The following KIF7 variants were observed in gnomAD, a reference collection of about 807,000 sequenced individuals.
The protein encoded by KIF7 is kinesin family member 7, also known as kinesin-like protein KIF7.
In KIF7, 104 loss-of-function variants were observed where a neutral mutation model predicts 135.7. The ratio of observed to expected loss-of-function variants is 0.77; its 90% CI spans 0.65 to 0.90. KIF7 has a LOEUF of 0.90. Among genes scored for constraint, KIF7 ranks in the 40% least tolerant of loss-of-function variants. The pLI, the probability that KIF7 is intolerant of heterozygous loss-of-function variation, is 0.00. For missense variants in KIF7, 2,005 were observed against 1,839.1 expected, an observed-to-expected ratio of 1.09 and a Z score of -1.65; for synonymous variants, 883 against 809.4, an observed-to-expected ratio of 1.09 and a Z score of -1.54.
intron 5 of KIF7, 132 bp downstream of exon 5, chr15:89,648,123 G>C (rs1356423535): frequency 4.4e-6 from 6 of 1,364,248 alleles, no homozygotes; most frequent in East Asian, 5.7e-5. Flanking sequence ...ATCAGCAGAA[G>C]TGACCGAATC....
chr15:89,617,655 T>TG (rs34649876), intron 2 of KIF7, among the ~76,000 whole-genome samples: 79,038 of 149,738 alleles, frequency 0.53, 21,199 homozygotes, highest in Non-Finnish European at 0.58. Context: ...CCAGAGTAGC[T>TG]GAACTACAGG....
chr15:89,633,850 G>C lies in KIF7; in HGVS notation c.2428C>G (p.Leu810Val), dbSNP rs1963741958. Residue 810 changes from leucine (L) to valine (V), a missense_variant, in exon 12 of 19, where the codon CTG becomes GTG. Transcript: ENST00000394412. ...LKEKKQATER[L>V]VSLSAQSEKR... ...TCACTCTGGGCCGACAGTGACACCA[G>C]CCGCTCCGTAGCCTGCTTCTTCTCC... 1 of 1,613,596 alleles carries C rather than the reference G, an allele frequency of 6.2e-7. No homozygotes were observed. Among genetic ancestry groups the C allele is most frequent in the African/African-American group, 1.3e-5 (1 of 74,932 alleles).
intron 1 of KIF7, among the ~76,000 whole-genome samples, chr15:89,620,043 G>A (rs557226269): frequency 1.3e-5 from 2 of 152,262 alleles, no homozygotes; most frequent in East Asian, 3.9e-4. Flanking sequence ...CCTACAACTG[G>A]TCATCCATGC....
At chr15:89,625,938 T>TC (rs772209267), downstream of KIF7, 3 of 1,571,828 alleles carry the variant, frequency 1.9e-6, no homozygotes, top group Admixed American at 5.7e-5. Context: ...CTCTTTAGGC[T>TC]CCACCCCACC....
rs978833977 is a variant in KIF7 at position 89,649,084 on chromosome 15, C to G, written c.813G>C (p.Glu271Asp). The change falls in exon 4 of 19, where the codon GAG becomes GAC. Residue 271 changes from glutamate (E) to aspartate (D), a missense_variant. Physicochemically the swap from Glu to Asp is conservative, Grantham distance 45. Transcript: ENST00000394412. Reference protein sequence around the residue: ...KTGSTGERLKESIQINSSLLA... With the variant: ...KTGSTGERLKDSIQINSSLLA... ...GGAGGCTGCTGTTGATCTGGATGCT[C>G]TCCTTGAGCCGCTCGCCGGTGCTGC... 1.3e-6 allele frequency: 2 copies of G among 1,548,038 alleles called. No homozygotes were observed. The highest frequency in any genetic ancestry group is 8.7e-7 in the Non-Finnish European group (1 of 1,146,796).
intron 17 of KIF7, 57 bp downstream of exon 17, chr15:89,629,296 GGGGGGTGCAGGGCGGGGAAGAT>G: frequency 8.5e-7 from 1 of 1,171,426 alleles, no homozygotes; most frequent in Non-Finnish European, 1.1e-6. Flanking sequence ...GGGGGAGGGA[GGGGGGTGCAGGGCGGGGAAGAT>G]GGGGGTGGGG....
At chr15:89,638,647 A>G (rs966861620) in intron 11 of KIF7, among the ~76,000 whole-genome samples, 1 of 151,162 alleles carries the variant, frequency 6.6e-6, no homozygotes, top group African/African-American at 2.4e-5. Context: ...ATAAAAGAGG[A>G]TACAAACAAA....
Position 89,649,760 on chromosome 15 carries a change from T to C in KIF7, c.510A>G (p.Glu170=), listed in dbSNP as rs761029778. Residue 170 remains glutamate (E), a synonymous_variant, in exon 3 of 19, where the codon GAA becomes GAG. Transcript: ENST00000394412. ...GTASRDIQLR[E]DERGNVVLCG... is the part of the protein sequence containing the mutation. ...CCTCACCAACATTCCCGCGCTCATC[T>C]TCCCGGAGCTGGATGTCACGGCTGG... is the stretch of plus-strand genomic sequence containing the variant. 35 of 1,551,768 alleles carry C rather than the reference T, an allele frequency of 2.3e-5. No individual in the cohort carries two copies. Among genetic ancestry groups the C allele is most frequent in the Non-Finnish European group, 1.4e-5 (16 of 1,147,026 alleles).
chr15:89,628,955 C>A, intron 18 of KIF7, 21 bp downstream of exon 18: 15 of 1,613,944 alleles, frequency 9.3e-6, no homozygotes, highest in Non-Finnish European at 1.1e-5. Context: ...GGTCTGACTT[C>A]AGAGCGCGAC....
Position 89,647,027 on chromosome 15 carries a change from T to C in KIF7, c.1591A>G (p.Met531Val), listed in dbSNP as rs1364028483. 1 of 1,608,406 alleles carries C rather than the reference T, an allele frequency of 6.2e-7. No homozygotes were observed. The highest frequency in any genetic ancestry group is 1.3e-5 in the African/African-American group (1 of 74,846). ...SDRLREQQEE[M>V]VELRLRLELV... Reference sequence around the variant, plus strand: ...TCTAACCGCAGCCGCAGTTCCACCATCTCCTCCTGCTGCTCACGCAGCCGG... The same window carrying C: ...TCTAACCGCAGCCGCAGTTCCACCACCTCCTCCTGCTGCTCACGCAGCCGG... Residue 531 changes from methionine to valine, a missense_variant, in exon 7 of 19, where the codon ATG (methionine) becomes GTG (valine). Coordinates refer to ENST00000394412, the MANE Select transcript of KIF7 (RefSeq NM_198525.3).
At chr15:89,648,945 G>A (rs1473889678) in intron 4 of KIF7, 29 bp downstream of exon 4, 1 of 1,510,816 alleles carries the variant, frequency 6.6e-7, no homozygotes, top group Admixed American at 2.0e-5. Flanking sequence ...CCGGCCCCCA[G>A]GCCACATAGG....
intron 18 of KIF7, 59 bp from the exon 19 acceptor site, chr15:89,628,845 C>G: frequency 6.2e-7 from 1 of 1,612,154 alleles, no homozygotes; most frequent in South Asian, 1.1e-5. Context: ...TCCCGAAGCC[C>G]TAGCTCCCCA....
At chr15:89,648,214 C>A (rs1350306506) in intron 5 of KIF7, 41 bp downstream of exon 5, 2 of 1,464,318 alleles carry the variant, frequency 1.4e-6, no homozygotes, top group Non-Finnish European at 1.8e-6. Context: ...CCACCACTCC[C>A]CACTGCCCAC....
chr15:89,632,799 T>C, intron 14 of KIF7, 21 bp downstream of exon 14: 1 of 1,596,818 alleles, frequency 6.3e-7, no homozygotes, highest in Non-Finnish European at 8.5e-7. Flanking sequence ...CCTGGCAGGA[T>C]CTCTCCTGGC....
At chr15:89,640,325 A>G (rs1297269798) in intron 11 of KIF7, among the ~76,000 whole-genome samples, 1 of 151,872 alleles carries the variant, frequency 6.6e-6, no homozygotes, top group Non-Finnish European at 1.5e-5. Context: ...TAATAATAAC[A>G]GTATACTAAT....
chr15:89,630,583 A>G (rs888752945), intron 15 of KIF7, 90 bp from the exon 16 acceptor site: 3 of 1,126,316 alleles, frequency 2.7e-6, no homozygotes, highest in Non-Finnish European at 3.9e-6. Flanking sequence ...ACGTAGCCAC[A>G]ACTGGGCCTT....
rs921943205 is a variant in KIF7, at chr15:89,648,399, G to T, written c.1299C>A (p.Pro433=). 7.4e-5 allele frequency: 85 copies of T among 1,151,826 alleles called. No individual in the cohort carries two copies. The African/African-American group carries it at 1.1e-3, about 15-fold the overall frequency. The allele number at this position is 1,151,826 out of a possible 1,614,324, so 71.4% of individuals were successfully genotyped here. The part of the protein sequence containing the change: ...LRELQAEPGL[P]GAAARKVRDW... ...CGCGCACCTTGCGGGCGGCGGCGCC[G>T]GGCAGCCCGGGCTCGGCCTGCAGCT... The change falls in exon 5 of 19, where the codon CCC becomes CCA. Residue 433 remains proline, a synonymous_variant. Coordinates refer to ENST00000394412, the MANE Select transcript of KIF7 (RefSeq NM_198525.3).
intron 7 of KIF7, among the ~76,000 whole-genome samples, chr15:89,646,353 C>T (rs1346553257): frequency 6.6e-6 from 1 of 152,162 alleles, no homozygotes; most frequent in African/African-American, 2.4e-5. Flanking sequence ...AGACTTCTGC[C>T]AACCCCCAGC....
rs1963938798 is a variant in KIF7 at position 89,642,333 on chromosome 15, A to ACGTGCTCTGCCT, written c.2263_2264insAGGCAGAGCACG (p.Gln754_Val755insGluAlaGluHis). Reference sequence around the variant, plus strand: ...CTGGCCTTCACTCAGCTCGGCCCGCACCTGCTCTGCCTCCTGCTCCAGCTC... The same window carrying ACGTGCTCTGCCT: ...CTGGCCTTCACTCAGCTCGGCCCGCACGTGCTCTGCCTCCTGCTCTGCCTCCTGCTCCAGCTC... On this transcript the variant is annotated inframe_insertion, in exon 11 of 19. Transcript: ENST00000394412. 1 of 1,610,298 alleles carries ACGTGCTCTGCCT rather than the reference A, an allele frequency of 6.2e-7. No homozygotes were observed. The highest frequency in any genetic ancestry group is 1.7e-5 in the Admixed American group (1 of 59,784).
Sources: gnomAD v4.1 joint callset for allele counts (sites outside exome capture counted in the v4.1 genomes callset) on GRCh38, gnomAD v4.1.1 for gene constraint, MANE v1.5 for transcripts, NCBI Gene and HGNC (gene_info 2026-07-23, HGNC 2026-07-21) for gene names.